The following PLCH1 variants were observed in gnomAD, a reference collection of about 807,000 sequenced individuals.
The protein encoded by PLCH1 is phospholipase C eta 1, also known as 1-phosphatidylinositol 4,5-bisphosphate phosphodiesterase eta-1.
A neutral mutation model predicts 126.7 loss-of-function variants in PLCH1; 60 were observed. The ratio of observed to expected loss-of-function variants is 0.47; its 90% CI spans 0.38 to 0.59. The LOEUF is 0.59. PLCH1 is among the 20% of genes least tolerant of loss of function. The pLI, the probability that PLCH1 is intolerant of heterozygous loss-of-function variation, is 0.00. For synonymous variants in PLCH1, 719 were observed against 734.9 expected (o/e 0.98, Z 0.35); for missense variants, 1,723 against 2,040.0 (o/e 0.84, Z 2.99).
At position 155,494,418 on chromosome 3, in the gene PLCH1, G is replaced by A. The variant is rs1429790580; in HGVS notation, c.1994C>T (p.Thr665Met). ...QFMIYNQKQL[T>M]RIYPSAYRID... is the part of the protein sequence containing the mutation. Reference sequence around the variant, plus strand: ...GCGGTAGGCAGAGGGGTAAATCCTCGTGAGTTGCTTTTGATTATAAATCAT... The same window carrying A: ...GCGGTAGGCAGAGGGGTAAATCCTCATGAGTTGCTTTTGATTATAAATCAT... The change falls in exon 16 of 23, where the codon ACG becomes ATG. Residue 665 changes from threonine (T) to methionine (M), a missense_variant. By Grantham distance (81) the Thr-to-Met change is moderately conservative (BLOSUM62 -1). Coordinates refer to ENST00000460012, the MANE Select transcript of PLCH1 (RefSeq NM_014996.4). 11 of 1,613,998 alleles carry A rather than the reference G, an allele frequency of 6.8e-6. No individual in the cohort carries two copies. Among genetic ancestry groups the A allele is most frequent in the South Asian group, 6.6e-5 (6 of 91,072 alleles).
intron 1 of PLCH1, among the ~76,000 whole-genome samples, chr3:155,729,613 G>GAATTATATCAT (rs1352827105): frequency 6.6e-6 from 1 of 152,136 alleles, no homozygotes; most frequent in East Asian, 1.9e-4. Context: ...AATATAATGT[G>GAATTATATCAT]ATATAATAAA....
chr3:155,643,707 G>A lies in PLCH1; in HGVS notation c.80-47329C>T, dbSNP rs1047456532. Among the ~76,000 whole-genome samples, 5 of 152,130 alleles carry A rather than the reference G, an allele frequency of 3.3e-5. No individual in the cohort carries two copies. The South Asian group carries it at 8.3e-4, about 25-fold the overall frequency. Reference sequence around the variant, plus strand: ...GCCAGTGTGATGCCTCAGCATGTACGCTCCATGAGAGCAGGGATCATGTCT... The same window carrying A: ...GCCAGTGTGATGCCTCAGCATGTACACTCCATGAGAGCAGGGATCATGTCT... On this transcript the variant is annotated intron_variant, in intron 2 of 22. Coordinates refer to ENST00000460012, the MANE Select transcript of PLCH1 (RefSeq NM_014996.4).
chr3:155,610,407 T>C (rs1734924118), intron 2 of PLCH1, among the ~76,000 whole-genome samples: 1 of 144,242 alleles, frequency 6.9e-6, no homozygotes, highest in Non-Finnish European at 1.5e-5. Context: ...CTAGGCACAT[T>C]GTCAACAGAT....
chr3:155,565,181 A>C (rs1728170961), intron 7 of PLCH1, 63 bp from the exon 8 acceptor site: 9 of 999,458 alleles, frequency 9.0e-6, no homozygotes, highest in Non-Finnish European at 1.3e-5. Flanking sequence ...TGGCTCTAAG[A>C]GGGGCAAAAG....
intron 14 of PLCH1, among the ~76,000 whole-genome samples, chr3:155,498,814 A>C (rs1717462205): frequency 6.6e-6 from 1 of 152,122 alleles, no homozygotes; most frequent in Non-Finnish European, 1.5e-5. Flanking sequence ...CCTACAAACC[A>C]CTCATAGGAT....
chr3:155,601,773 C>T (rs533445706), intron 2 of PLCH1, among the ~76,000 whole-genome samples: 114 of 152,200 alleles, frequency 7.5e-4, no homozygotes, highest in African/African-American at 2.2e-3. Flanking sequence ...TCACTGACTT[C>T]AGTTTATTTA....
intron 6 of PLCH1, among the ~76,000 whole-genome samples, chr3:155,570,695 C>G (rs1247270248): frequency 6.6e-6 from 1 of 152,110 alleles, no homozygotes; most frequent in African/African-American, 2.4e-5. Flanking sequence ...ATCAAAGTCA[C>G]AAAACTGTAA....
chr3:155,476,272 G>A (rs2107988401), downstream of PLCH1, among the ~76,000 whole-genome samples: 1 of 151,730 alleles, frequency 6.6e-6, no homozygotes, highest in East Asian at 1.9e-4. Flanking sequence ...TGATAAAACT[G>A]AGGCTAGAAG....
intron 6 of PLCH1, among the ~76,000 whole-genome samples, chr3:155,580,738 C>T (rs908743024): frequency 5.3e-5 from 8 of 151,852 alleles, no homozygotes; most frequent in Non-Finnish European, 8.8e-5. Flanking sequence ...AGTAACATTT[C>T]CAGAAAAAAA....
intron 2 of PLCH1, among the ~76,000 whole-genome samples, chr3:155,661,440 T>C (rs747476018): frequency 3.3e-5 from 5 of 152,196 alleles, no homozygotes; most frequent in Non-Finnish European, 5.9e-5. Flanking sequence ...AGCCAACTCA[T>C]AGCTCAGATT....
At chr3:155,470,715 A>G (rs1276648373) in intron 21 of PLCH1, among the ~76,000 whole-genome samples, 1 of 152,176 alleles carries the variant, frequency 6.6e-6, no homozygotes, top group Non-Finnish European at 1.5e-5. Context: ...CCACCAGACT[A>G]ACAGCGGATC....
chr3:155,485,891 C>T (rs563568038), intron 21 of PLCH1, 181 bp from the exon 22 acceptor site: 1 of 602,866 alleles, frequency 1.7e-6, no homozygotes, highest in East Asian at 2.7e-5. Flanking sequence ...CACATCTTAT[C>T]AACCTTACTT....
At chr3:155,537,202 C>CAAAAAAAAAAAAAAAAAAAAAAAAAAAA (rs535908017) in intron 10 of PLCH1, among the ~76,000 whole-genome samples, 6 of 10,462 alleles carry the variant, frequency 5.7e-4, no homozygotes, top group Admixed American at 1.5e-3. Flanking sequence ...AAAAAAAAAC[C>CAAAAAAAAAAAAAAAAAAAAAAAAAAAA]AAAAAAAAAA....
chr3:155,469,504 C>A (rs1046150640), intron 21 of PLCH1, among the ~76,000 whole-genome samples: 7 of 151,946 alleles, frequency 4.6e-5, no homozygotes, highest in Admixed American at 1.3e-4. Context: ...GGGGGAGGGG[C>A]GCCCGCCATT....
intron 1 of PLCH1, among the ~76,000 whole-genome samples, chr3:155,730,070 A>T (rs1186227315): frequency 6.6e-6 from 1 of 152,148 alleles, no homozygotes; most frequent in Non-Finnish European, 1.5e-5. Flanking sequence ...AAAATTAAGA[A>T]TTAAAGTTTT....
intron 9 of PLCH1, among the ~76,000 whole-genome samples, chr3:155,551,705 AAAATT>A (rs1726172225): frequency 6.6e-6 from 1 of 150,418 alleles, no homozygotes; most frequent in African/African-American, 2.5e-5. Flanking sequence ...AAAAAAAAAA[AAAATT>A]ATCAGTACAC....
intron 2 of PLCH1, among the ~76,000 whole-genome samples, chr3:155,630,602 G>A (rs6767886): frequency 0.49 from 74,496 of 151,966 alleles, 20,598 homozygotes; most frequent in African/African-American, 0.74. Flanking sequence ...GGCATATACC[G>A]TCTACATTTT....
intron 2 of PLCH1, among the ~76,000 whole-genome samples, chr3:155,605,607 G>A (rs534852982): frequency 3.3e-5 from 5 of 152,234 alleles, no homozygotes; most frequent in East Asian, 1.9e-4. Flanking sequence ...TTTCAAGCCC[G>A]AAAATGCCTG....
intron 21 of PLCH1, chr3:155,486,289 A>G: frequency 1.3e-6 from 1 of 787,758 alleles, no homozygotes; most frequent in Non-Finnish European, 2.1e-6. Flanking sequence ...AAAAGAAAAA[A>G]TGCATACATG....
Sources: allele counts gnomAD v4.1 joint callset (sites outside exome capture counted in the v4.1 genomes callset), GRCh38; gene constraint gnomAD v4.1.1; transcripts MANE v1.5; gene names NCBI Gene and HGNC (gene_info 2026-07-23, HGNC 2026-07-21).